Variants in RUNX2 observed in about 807,000 individuals in gnomAD.
The protein encoded by RUNX2 is RUNX family transcription factor 2.
Under a neutral mutation model 51.7 loss-of-function variants are expected in RUNX2, and 10 were observed. The ratio of observed to expected loss-of-function variants is 0.19; its 90% CI spans 0.12 to 0.33. The LOEUF (loss-of-function observed/expected upper bound fraction) is 0.33, where lower values mean the gene tolerates loss of function less well. Ranked by LOEUF, RUNX2 falls within the 10% of genes least tolerant of loss-of-function variation. The pLI, the probability that RUNX2 is intolerant of heterozygous loss-of-function variation, is 1.00. For synonymous variants in RUNX2, 276 were observed against 273.6 expected (o/e 1.01, Z -0.09); for missense variants, 562 against 691.3 (o/e 0.81, Z 2.10).
intron 3 of RUNX2, among the ~76,000 whole-genome samples, chr6:45,429,574 C>T (rs1006057420): frequency 2.0e-5 from 3 of 152,144 alleles, no homozygotes; most frequent in African/African-American, 4.8e-5. Flanking sequence ...GGAGACTTCT[C>T]ATATTGAGAA....
chr6:45,550,465 G>T lies in RUNX2; in HGVS notation c.*3160G>T, dbSNP rs1200428. On this transcript the variant is annotated 3_prime_UTR_variant, in exon 9 of 9. Transcript: ENST00000647337. ...CAGCTTTAAGGATTCCCTCAATTCC[G>T]AGGAAAGGGACTGGCCCAGAATCCA... The T allele has an allele frequency of 0.17, 26,410 of 152,308 alleles. 2,687 individuals are homozygous for T. The highest frequency in any genetic ancestry group is 0.23 in the Non-Finnish European group (15,806 of 67,982). 9.4% of individuals were successfully genotyped at this position (152,308 alleles called of 1,614,324 possible).
At chr6:45,482,221 G>T (rs546347034) in intron 5 of RUNX2, among the ~76,000 whole-genome samples, 2 of 151,912 alleles carry the variant, frequency 1.3e-5, no homozygotes, top group East Asian at 3.9e-4. Context: ...ATCCTTTTTT[G>T]CTTCCTACCT....
chr6:45,477,668 A>G (rs1799993850), intron 5 of RUNX2, among the ~76,000 whole-genome samples: 1 of 152,210 alleles, frequency 6.6e-6, no homozygotes, highest in South Asian at 2.1e-4. Context: ...CAAATCTTTT[A>G]GTGCTGATTT....
intron 2 of RUNX2, among the ~76,000 whole-genome samples, chr6:45,410,824 T>C (rs1797935593): frequency 6.6e-6 from 1 of 152,222 alleles, no homozygotes; most frequent in African/African-American, 2.4e-5. Context: ...GTTTGGCATA[T>C]TGGACATGCT....
At chr6:45,383,733 T>C (rs963661679) in intron 2 of RUNX2, among the ~76,000 whole-genome samples, 4 of 152,232 alleles carry the variant, frequency 2.6e-5, no homozygotes, top group Non-Finnish European at 4.4e-5. Context: ...ACTGAATCTA[T>C]TTCAGTAAAT....
At chr6:45,506,749 T>G (rs1052220085) in intron 6 of RUNX2, among the ~76,000 whole-genome samples, 2 of 152,018 alleles carry the variant, frequency 1.3e-5, no homozygotes, top group Non-Finnish European at 2.9e-5. Flanking sequence ...CAAATGATCC[T>G]CCCTCCTCAG....
chr6:45,475,241 A>G (rs1479365005), intron 5 of RUNX2, among the ~76,000 whole-genome samples: 1 of 152,178 alleles, frequency 6.6e-6, no homozygotes, highest in African/African-American at 2.4e-5. Context: ...GAAAGTGGCA[A>G]CTGGAGTGAC....
Position 45,548,753 on chromosome 6 carries a change from C to T in RUNX2, c.*1448C>T, listed in dbSNP as rs77856760. On this transcript the variant is annotated 3_prime_UTR_variant, in exon 9 of 9. Transcript: ENST00000647337. ...GGATAGAGGGTTCAATTATGAGACACCTAGTACAGGAGAGCAAAATTGCAC... is the reference window on the plus strand; with the variant it reads ...GGATAGAGGGTTCAATTATGAGACATCTAGTACAGGAGAGCAAAATTGCAC... 1,203 of 171,818 alleles carry T rather than the reference C, an allele frequency of 7.0e-3. 14 individuals are homozygous for T. The highest frequency in any genetic ancestry group is 0.026 in the African/African-American group (1,115 of 42,456). 10.6% of individuals were successfully genotyped at this position (171,818 alleles called of 1,614,324 possible).
At chr6:45,545,962 A>G (rs1276079299) in intron 8 of RUNX2, among the ~76,000 whole-genome samples, 1 of 152,166 alleles carries the variant, frequency 6.6e-6, no homozygotes, top group African/African-American at 2.4e-5. Context: ...TACTGCTTCA[A>G]GTTGACCTGA....
chr6:45,379,870 G>GA (rs974881483), intron 2 of RUNX2, among the ~76,000 whole-genome samples: 51 of 143,842 alleles, frequency 3.5e-4, no homozygotes, highest in Middle Eastern at 3.6e-3. Context: ...GTCAAAAAAA[G>GA]AAAAAAAAAA....
intron 2 of RUNX2, among the ~76,000 whole-genome samples, chr6:45,351,976 G>C (rs947958138): frequency 6.6e-6 from 1 of 151,974 alleles, no homozygotes; most frequent in Non-Finnish European, 1.5e-5. Context: ...TAATTCTACC[G>C]CTGACACAAC....
intron 5 of RUNX2, among the ~76,000 whole-genome samples, chr6:45,444,466 T>G (rs528125294): frequency 6.6e-6 from 1 of 152,284 alleles, no homozygotes; most frequent in South Asian, 2.1e-4. Flanking sequence ...GCTGCAACAT[T>G]TCTCTGCTTG....
At chr6:45,538,421 A>G (rs1802106170) in intron 7 of RUNX2, among the ~76,000 whole-genome samples, 1 of 151,730 alleles carries the variant, frequency 6.6e-6, no homozygotes, top group Non-Finnish European at 1.5e-5. Context: ...TAATTATGCC[A>G]CTCCAGGCAG....
intron 2 of RUNX2, among the ~76,000 whole-genome samples, chr6:45,359,989 C>G (rs1793964979): frequency 6.6e-6 from 1 of 152,168 alleles, no homozygotes; most frequent in African/African-American, 2.4e-5. Context: ...GAGCAATCAA[C>G]TGAAAAAACA....
chr6:45,517,804 G>A (rs1391301930), intron 7 of RUNX2, among the ~76,000 whole-genome samples: 2 of 149,148 alleles, frequency 1.3e-5, no homozygotes, highest in Non-Finnish European at 3.0e-5. Flanking sequence ...AATTGCCAGT[G>A]GAAAAACCCC....
intron 5 of RUNX2, among the ~76,000 whole-genome samples, chr6:45,489,093 A>G (rs1195689481): frequency 6.6e-6 from 1 of 152,166 alleles, no homozygotes; most frequent in Non-Finnish European, 1.5e-5. Context: ...AATGTACTTC[A>G]TACATTATGA....
intron 2 of RUNX2, among the ~76,000 whole-genome samples, chr6:45,379,807 A>C (rs1315564506): frequency 6.6e-6 from 1 of 152,144 alleles, no homozygotes; most frequent in Non-Finnish European, 1.5e-5. Flanking sequence ...CGGAGGTTGC[A>C]GGGAGCCGAG....
chr6:45,435,567 A>G (rs1227927547), intron 4 of RUNX2, among the ~76,000 whole-genome samples: 1 of 152,200 alleles, frequency 6.6e-6, no homozygotes, highest in Non-Finnish European at 1.5e-5. Flanking sequence ...CAGGTTGGCC[A>G]GGCTAGTCTT....
intron 5 of RUNX2, among the ~76,000 whole-genome samples, chr6:45,489,244 T>C (rs2396442): frequency 0.27 from 41,697 of 152,098 alleles, 6,284 homozygotes; most frequent in Non-Finnish European, 0.34. Context: ...TACTTGGAAG[T>C]GTTCTTTGAA....
Sources: gnomAD v4.1 joint callset for allele counts (sites outside exome capture counted in the v4.1 genomes callset) on GRCh38, gnomAD v4.1.1 for gene constraint, MANE v1.5 for transcripts, NCBI Gene and HGNC (gene_info 2026-07-23, HGNC 2026-07-21) for gene names.